ANO2: variants seen among roughly 807,000 people sequenced by gnomAD.
ANO2 encodes the protein anoctamin-2.
A neutral mutation model predicts 124.2 loss-of-function variants in ANO2; 101 were observed. That is an observed-to-expected ratio of 0.81 (90% CI 0.69 to 0.96). The LOEUF (loss-of-function observed/expected upper bound fraction) is 0.96, where lower values mean the gene tolerates loss of function less well. Among genes scored for constraint, ANO2 ranks in the 40% least tolerant of loss-of-function variants. The pLI is 0.00. For synonymous variants in ANO2, 486 were observed against 482.5 expected, an observed-to-expected ratio of 1.01 and a Z score of -0.09; for missense variants, 1,293 against 1,274.5, an observed-to-expected ratio of 1.01 and a Z score of -0.22.
chr12:5,865,174 T>C (rs541093708), intron 3 of ANO2, among the ~76,000 whole-genome samples: 1 of 152,340 alleles, frequency 6.6e-6, no homozygotes, highest in South Asian at 2.1e-4. Context: ...TATTTTCCTA[T>C]GATTCAATCA....
chr12:5,610,221 A>G lies in ANO2; in HGVS notation c.2087+2435T>C, dbSNP rs1446294397. Among the ~76,000 whole-genome samples the G allele has an allele frequency of 7.0e-5, 9 of 127,814 alleles. No homozygotes were observed. In the East Asian group the frequency reaches 1.3e-3, roughly 19 times the overall value. The allele number at this position is 127,814 out of a possible 152,430, so 83.9% of individuals were successfully genotyped here. On this transcript the variant is annotated intron_variant, in intron 19 of 24. Coordinates refer to ENST00000682330, the MANE Select transcript of ANO2 (RefSeq NM_001364791.2). ...TACTTATATAAATACTTATATAAAT[A>G]TATACTTATATAAATATATAAATGC...
chr12:5,895,830 C>T (rs1482040697), intron 3 of ANO2, among the ~76,000 whole-genome samples: 3 of 151,988 alleles, frequency 2.0e-5, no homozygotes, highest in African/African-American at 7.3e-5. Flanking sequence ...AAAACACACA[C>T]GCATGCATAT....
intron 1 of ANO2, among the ~76,000 whole-genome samples, chr12:5,923,091 C>T (rs1351375892): frequency 7.9e-5 from 2 of 25,402 alleles, no homozygotes; most frequent in African/African-American, 1.1e-4. Context: ...TACACACACA[C>T]ACGCACACAC....
At chr12:5,591,867 C>T (rs182806127) in intron 20 of ANO2, among the ~76,000 whole-genome samples, 47 of 152,144 alleles carry the variant, frequency 3.1e-4, no homozygotes, top group Non-Finnish European at 5.9e-4. Context: ...AGCGCTGCCC[C>T]GGGGGAGGGC....
chr12:5,771,183 T>C (rs1421547309), intron 10 of ANO2, among the ~76,000 whole-genome samples: 2 of 152,202 alleles, frequency 1.3e-5, no homozygotes, highest in Non-Finnish European at 2.9e-5. Context: ...TTAATAAGCA[T>C]TTGTTCAACG....
At chr12:5,776,282 G>A (rs1320814966) in intron 10 of ANO2, among the ~76,000 whole-genome samples, 1 of 152,136 alleles carries the variant, frequency 6.6e-6, no homozygotes, top group African/African-American at 2.4e-5. Context: ...GGTGTTCGAC[G>A]ACTGACTCAG....
intron 15 of ANO2, among the ~76,000 whole-genome samples, chr12:5,637,541 T>C (rs1946088744): frequency 2.5e-5 from 2 of 80,494 alleles, no homozygotes; most frequent in South Asian, 9.3e-4. Flanking sequence ...CACTCTTTGC[T>C]ACTCAAAAAT....
At chr12:5,867,799 AAC>A (rs1491353451) in intron 3 of ANO2, among the ~76,000 whole-genome samples, 3 of 150,894 alleles carry the variant, frequency 2.0e-5, no homozygotes, top group Admixed American at 6.6e-5. Flanking sequence ...AAAAAAAAAA[AAC>A]CAGTGGATTT....
chr12:5,914,135 G>A (rs1941230425), intron 3 of ANO2, among the ~76,000 whole-genome samples: 2 of 152,060 alleles, frequency 1.3e-5, no homozygotes, highest in South Asian at 4.2e-4. Context: ...GGGAGGCGGA[G>A]GTTGCAGTGA....
At chr12:5,721,799 C>A (rs571415323) in intron 14 of ANO2, among the ~76,000 whole-genome samples, 2 of 152,190 alleles carry the variant, frequency 1.3e-5, no homozygotes, top group Non-Finnish European at 1.5e-5. Context: ...TGAGCCACTG[C>A]GCCCAACTTA....
At chr12:5,813,880 G>C (rs1221144127) in intron 7 of ANO2, among the ~76,000 whole-genome samples, 1 of 152,208 alleles carries the variant, frequency 6.6e-6, no homozygotes, top group Non-Finnish European at 1.5e-5. Flanking sequence ...TTTGTTTTAT[G>C]AGGGGAGAAA....
At chr12:5,616,528 A>T (rs934361013) in intron 16 of ANO2, among the ~76,000 whole-genome samples, 4 of 152,204 alleles carry the variant, frequency 2.6e-5, no homozygotes, top group African/African-American at 9.7e-5. Context: ...CTTCAGAGGT[A>T]GAAGAAAAGC....
chr12:5,676,601 A>T (rs983078599), intron 14 of ANO2, among the ~76,000 whole-genome samples: 2 of 151,380 alleles, frequency 1.3e-5, no homozygotes, highest in Non-Finnish European at 2.9e-5. Context: ...GTGAGTTTCC[A>T]TTTTTTTTTC....
chr12:5,723,841 C>A (rs1403778322), intron 14 of ANO2, among the ~76,000 whole-genome samples: 1 of 152,116 alleles, frequency 6.6e-6, no homozygotes, highest in Non-Finnish European at 1.5e-5. Context: ...TATGAGAAGG[C>A]CAAGGGGCAG....
chr12:5,656,641 G>C (rs181238576), intron 14 of ANO2, among the ~76,000 whole-genome samples: 1 of 152,256 alleles, frequency 6.6e-6, no homozygotes, highest in East Asian at 1.9e-4. Flanking sequence ...AGTTCCAGGA[G>C]AGCAGAGGCC....
At chr12:5,573,755 A>C (rs1166527613) in intron 23 of ANO2, among the ~76,000 whole-genome samples, 1 of 152,170 alleles carries the variant, frequency 6.6e-6, no homozygotes, top group Non-Finnish European at 1.5e-5. Flanking sequence ...CTTATGAGTA[A>C]ATTTATTCAT....
intron 13 of ANO2, among the ~76,000 whole-genome samples, chr12:5,735,425 A>G (rs1169392733): frequency 6.6e-6 from 1 of 152,208 alleles, no homozygotes; most frequent in African/African-American, 2.4e-5. Flanking sequence ...ACCAGGAGTC[A>G]TCAAGCACCT....
At chr12:5,840,769 G>A (rs1290791380) in intron 4 of ANO2, among the ~76,000 whole-genome samples, 2 of 152,080 alleles carry the variant, frequency 1.3e-5, no homozygotes, top group Non-Finnish European at 2.9e-5. Context: ...CGTGTTGACA[G>A]AAATTAACAC....
At chr12:5,901,510 C>T (rs1443348216) in intron 3 of ANO2, among the ~76,000 whole-genome samples, 1 of 152,170 alleles carries the variant, frequency 6.6e-6, no homozygotes, top group Non-Finnish European at 1.5e-5. Context: ...CATGGGCAAG[C>T]CCCCTGGGAA....
Sources: gnomAD v4.1 joint callset for allele counts (sites outside exome capture counted in the v4.1 genomes callset) on GRCh38, gnomAD v4.1.1 for gene constraint, MANE v1.5 for transcripts, NCBI Gene and HGNC (gene_info 2026-07-23, HGNC 2026-07-21) for gene names.